The following LOC127898562 variants were observed in gnomAD, a reference collection of about 807,000 sequenced individuals.
chr13:77,326,955 C>G, the LOC127898562 span: 3 of 526,752 alleles, frequency 5.7e-6, no homozygotes, highest in Admixed American at 4.4e-5. This position sits in a 1 kb window ranked among gnomAD's most constrained non-coding sequence, Gnocchi z 4.2. Flanking sequence ...CTCCTCCCCC[C>G]CGCGCCGCCC....
At chr13:77,326,938 T>C in the LOC127898562 span, 2 of 564,790 alleles carry the variant, frequency 3.5e-6, no homozygotes, top group Non-Finnish European at 5.5e-6. This position sits in a 1 kb window ranked among gnomAD's most constrained non-coding sequence, Gnocchi z 4.2. Flanking sequence ...TCCTCCTCCT[T>C]CTTCTCCTCC....
the LOC127898562 span, chr13:77,326,907 A>G: frequency 1.2e-6 from 1 of 822,280 alleles, no homozygotes; most frequent in Non-Finnish European, 1.7e-6. This position sits in a 1 kb window ranked among gnomAD's most constrained non-coding sequence, Gnocchi z 4.2. Flanking sequence ...CAGGGAGACT[A>G]CAAAGACAGC....
chr13:77,326,905 C>T, the LOC127898562 span: 1 of 844,194 alleles, frequency 1.2e-6, no homozygotes, highest in Non-Finnish European at 1.6e-6. This position sits in a 1 kb window ranked among gnomAD's most constrained non-coding sequence, Gnocchi z 4.2. Context: ...AGCAGGGAGA[C>T]TACAAAGACA....
At chr13:77,326,949 TCCC>T in the LOC127898562 span, 1 of 521,618 alleles carries the variant, frequency 1.9e-6, no homozygotes, top group Non-Finnish European at 3.0e-6. This position sits in a 1 kb window ranked among gnomAD's most constrained non-coding sequence, Gnocchi z 4.2. Flanking sequence ...CTTCTCCTCC[TCCC>T]CCCCGCGCCG....
chr13:77,326,917 C>A, the LOC127898562 span: 1 of 705,494 alleles, frequency 1.4e-6, no homozygotes, highest in Non-Finnish European at 2.0e-6. This position sits in a 1 kb window ranked among gnomAD's most constrained non-coding sequence, Gnocchi z 4.2. Context: ...ACAAAGACAG[C>A]GACCTCCTTC....
chr13:77,326,935 C>CCTT, the LOC127898562 span: 1 of 577,290 alleles, frequency 1.7e-6, no homozygotes, highest in Non-Finnish European at 2.7e-6. This position sits in a 1 kb window ranked among gnomAD's most constrained non-coding sequence, Gnocchi z 4.2. Context: ...TTCTCCTCCT[C>CCTT]CTTCTTCTCC....
At chr13:77,326,920 C>A in the LOC127898562 span, 2 of 650,606 alleles carry the variant, frequency 3.1e-6, no homozygotes, top group South Asian at 8.7e-5. The surrounding 1 kb of genome is among the most constrained non-coding windows in gnomAD (Gnocchi z 4.2). Context: ...AAGACAGCGA[C>A]CTCCTTCTCC....
chr13:77,326,949 TC>T, the LOC127898562 span: 23 of 521,556 alleles, frequency 4.4e-5, no homozygotes, highest in South Asian at 1.2e-4. The surrounding 1 kb of genome is among the most constrained non-coding windows in gnomAD (Gnocchi z 4.2). Context: ...CTTCTCCTCC[TC>T]CCCCCCGCGC....
chr13:77,326,949 T>G, the LOC127898562 span: 1 of 521,618 alleles, frequency 1.9e-6, no homozygotes, highest in Non-Finnish European at 3.0e-6. The surrounding 1 kb of genome is among the most constrained non-coding windows in gnomAD (Gnocchi z 4.2). Context: ...CTTCTCCTCC[T>G]CCCCCCCGCG....
chr13:77,326,907 A>T, the LOC127898562 span: 1 of 822,280 alleles, frequency 1.2e-6, no homozygotes, highest in Non-Finnish European at 1.7e-6. The surrounding 1 kb of genome is among the most constrained non-coding windows in gnomAD (Gnocchi z 4.2). Flanking sequence ...CAGGGAGACT[A>T]CAAAGACAGC....
chr13:77,326,926 T>TCTC, the LOC127898562 span: 4 of 638,580 alleles, frequency 6.3e-6, no homozygotes, highest in South Asian at 4.6e-5. The surrounding 1 kb of genome is among the most constrained non-coding windows in gnomAD (Gnocchi z 4.2). Context: ...GCGACCTCCT[T>TCTC]CTCCTCCTCC....
the LOC127898562 span, chr13:77,326,911 A>AG: frequency 7.8e-6 from 6 of 772,190 alleles, no homozygotes; most frequent in Non-Finnish European, 7.3e-6. This position sits in a 1 kb window ranked among gnomAD's most constrained non-coding sequence, Gnocchi z 4.2. Context: ...GAGACTACAA[A>AG]GACAGCGACC....
chr13:77,326,935 C>G, the LOC127898562 span: 1 of 577,290 alleles, frequency 1.7e-6, no homozygotes, highest in Non-Finnish European at 2.7e-6. The surrounding 1 kb of genome is among the most constrained non-coding windows in gnomAD (Gnocchi z 4.2). Flanking sequence ...TTCTCCTCCT[C>G]CTTCTTCTCC....
the LOC127898562 span, chr13:77,326,986 C>T: frequency 2.1e-6 from 1 of 466,476 alleles, no homozygotes; most frequent in Non-Finnish European, 3.6e-6. The surrounding 1 kb of genome is among the most constrained non-coding windows in gnomAD (Gnocchi z 4.2). Flanking sequence ...TGGGGCCGCT[C>T]ATCTAACCCC....
At chr13:77,326,910 A>C in the LOC127898562 span, 8 of 775,720 alleles carry the variant, frequency 1.0e-5, no homozygotes, top group Non-Finnish European at 1.5e-5. This position sits in a 1 kb window ranked among gnomAD's most constrained non-coding sequence, Gnocchi z 4.2. Context: ...GGAGACTACA[A>C]AGACAGCGAC....
At chr13:77,326,934 T>C in the LOC127898562 span, 1 of 572,770 alleles carries the variant, frequency 1.7e-6, no homozygotes, top group South Asian at 5.1e-5. The surrounding 1 kb of genome is among the most constrained non-coding windows in gnomAD (Gnocchi z 4.2). Context: ...CTTCTCCTCC[T>C]CCTTCTTCTC....
chr13:77,326,921 C>T, the LOC127898562 span: 43 of 652,226 alleles, frequency 6.6e-5, no homozygotes, highest in Non-Finnish European at 9.5e-5. The surrounding 1 kb of genome is among the most constrained non-coding windows in gnomAD (Gnocchi z 4.2). Flanking sequence ...AGACAGCGAC[C>T]TCCTTCTCCT....
At chr13:77,326,927 C>T in the LOC127898562 span, 1 of 633,228 alleles carries the variant, frequency 1.6e-6, no homozygotes, top group Non-Finnish European at 2.3e-6. This position sits in a 1 kb window ranked among gnomAD's most constrained non-coding sequence, Gnocchi z 4.2. Flanking sequence ...CGACCTCCTT[C>T]TCCTCCTCCT....
chr13:77,326,985 T>C, the LOC127898562 span: 2 of 465,074 alleles, frequency 4.3e-6, 1 homozygote, highest in Middle Eastern at 1.1e-3. The surrounding 1 kb of genome is among the most constrained non-coding windows in gnomAD (Gnocchi z 4.2). Context: ...CTGGGGCCGC[T>C]CATCTAACCC....
Sources: gnomAD v4.1 joint callset for allele counts on GRCh38, gnomAD v4.1.1 for gene constraint, Gnocchi (gnomAD v3.1) non-coding constraint, MANE v1.5 for transcripts.